ERCC6: variants seen among roughly 807,000 people sequenced by gnomAD.
ERCC6 encodes the protein DNA excision repair protein ERCC-6.
A neutral mutation model predicts 158.7 loss-of-function variants in ERCC6; 116 were observed. The observed-to-expected ratio is 0.73, with a 90% CI of 0.63 to 0.85. ERCC6 has a LOEUF of 0.85. Among genes scored for constraint, ERCC6 ranks in the 40% least tolerant of loss-of-function variants. The pLI is 0.00. For missense variants in ERCC6, 1,698 were observed against 1,799.4 expected, an observed-to-expected ratio of 0.94 and a Z score of 1.02; for synonymous variants, 678 against 659.3, an observed-to-expected ratio of 1.03 and a Z score of -0.43.
At position 49,493,427 on chromosome 10, in the gene ERCC6, A is replaced by C. The variant is rs960885977; in HGVS notation, c.1686-175T>G. On this transcript the variant is annotated intron_variant, in intron 7 of 20. Transcript: ENST00000355832. ...AAGTTACTGATGTTAAAACCCAGTAAGTAAAATCTCCATAATCTCATTCAT... is the reference window on the plus strand; with the variant it reads ...AAGTTACTGATGTTAAAACCCAGTACGTAAAATCTCCATAATCTCATTCAT... Among the ~76,000 whole-genome samples, 3 of 152,364 alleles carry C rather than the reference A, an allele frequency of 2.0e-5. No homozygotes were observed. In the East Asian group the frequency reaches 5.8e-4, roughly 29 times the overall value.
At position 49,524,745 on chromosome 10, in the gene ERCC6, T is replaced by C. The variant is rs1837270571; in HGVS notation, c.685A>G (p.Met229Val). The C allele has an allele frequency of 1.2e-6, 2 of 1,604,024 alleles. No individual in the cohort carries two copies. Among genetic ancestry groups the C allele is most frequent in the South Asian group, 2.2e-5 (2 of 91,094 alleles). ...PGPSSLGSML[M>V]PVQETAWEEL... ...TCCCAGGCAGTCTCCTGGACAGGCA[T>C]GAGCATGCTGCCAAGACTGGATGGC... Residue 229 changes from methionine (M) to valine (V), a missense_variant, in exon 5 of 21, where the codon ATG becomes GTG. By Grantham distance (21) the Met-to-Val change is conservative (BLOSUM62 1). Coordinates refer to ENST00000355832, the MANE Select transcript of ERCC6 (RefSeq NM_000124.4).
rs911459220 is a variant in ERCC6, at chr10:49,464,739, T to C, written c.3779-3183A>G. On this transcript the variant is annotated intron_variant, in intron 18 of 20. Transcript: ENST00000355832. ...AAAGAGCTCAGGCTGTGGCTTCAGA[T>C]GGTGCAAGCCCCAAGCCTTGGGAGC... Among the ~76,000 whole-genome samples the C allele has an allele frequency of 2.6e-5, 4 of 152,334 alleles. 1 individual carries two copies. The Middle Eastern group carries it at 0.014, about 518-fold the overall frequency.
At chr10:49,451,579 C>T (rs1006907899), downstream of ERCC6, among the ~76,000 whole-genome samples, 3 of 152,052 alleles carry the variant, frequency 2.0e-5, no homozygotes, top group Admixed American at 2.0e-4. Context: ...CATTGATTTT[C>T]ACATGTTAAG....
chr10:49,500,495 T>G, intron 7 of ERCC6, 43 bp downstream of exon 7: 1 of 1,600,038 alleles, frequency 6.2e-7, no homozygotes, highest in Non-Finnish European at 8.6e-7. Flanking sequence ...GATGAAATAT[T>G]AATTGAGCTC....
At chr10:49,508,637 C>T (rs545411619) in intron 5 of ERCC6, among the ~76,000 whole-genome samples, 28 of 152,288 alleles carry the variant, frequency 1.8e-4, no homozygotes, top group Non-Finnish European at 3.2e-4. Context: ...TAGAATTATA[C>T]ACATATTAAA....
At chr10:49,517,984 G>T (rs1837035140) in intron 5 of ERCC6, among the ~76,000 whole-genome samples, 1 of 151,682 alleles carries the variant, frequency 6.6e-6, no homozygotes, top group Non-Finnish European at 1.5e-5. Flanking sequence ...CTTTAATTTG[G>T]GCTTTAAAAA....
chr10:49,518,266 T>C (rs1046506822), intron 5 of ERCC6, among the ~76,000 whole-genome samples: 1 of 152,160 alleles, frequency 6.6e-6, no homozygotes, highest in African/African-American at 2.4e-5. Flanking sequence ...CCCCATCAAG[T>C]GGAGGGAGAA....
In ERCC6 at chr10:49,470,364, T is replaced by G. The variant is rs368907663; in HGVS notation, c.3596A>C (p.His1199Pro). ...CTTAGGCTTTTGCTTTGGTCTCAGA[T>G]GTTTCTCCAGGGTCTCTTCTTCTGC... ...SVAEEETLEK[H>P]LRPKQKPKNS... Residue 1199 changes from histidine to proline, a missense_variant, in exon 18 of 21, where the codon CAT becomes CCT. Physicochemically the swap from His to Pro is moderately conservative, Grantham distance 77. Transcript: ENST00000355832. The G allele has an allele frequency of 1.9e-6, 3 of 1,614,136 alleles. No individual in the cohort carries two copies. The African/African-American group carries it at 4.0e-5, about 22-fold the overall frequency.
Position 49,528,475 on chromosome 10 carries a change from G to A in ERCC6, c.594C>T (p.Ile198=), listed in dbSNP as rs1370448307. 1.2e-6 allele frequency: 2 copies of A among 1,614,028 alleles called. No individual in the cohort carries two copies. Among genetic ancestry groups the A allele is most frequent in the African/African-American group, 2.7e-5 (2 of 74,912 alleles). Residue 198 remains isoleucine (I), a synonymous_variant, in exon 4 of 21, where the codon ATC becomes ATT. Coordinates refer to ENST00000355832, the MANE Select transcript of ERCC6 (RefSeq NM_000124.4). ...ITAKQKHLQA[I]LGGAEVKIEL... Reference sequence around the variant, plus strand: ...CAATTTTCACCTCTGCTCCTCCAAGGATGGCCTGGAGATGCTTTTGTTTTG... The same window carrying A: ...CAATTTTCACCTCTGCTCCTCCAAGAATGGCCTGGAGATGCTTTTGTTTTG...
intron 19 of ERCC6, among the ~76,000 whole-genome samples, chr10:49,461,049 T>C (rs957042611): frequency 6.6e-6 from 1 of 152,224 alleles, no homozygotes; most frequent in African/African-American, 2.4e-5. Context: ...GTAAACTGGC[T>C]AATTATCTCA....
rs1254737330 is a variant in ERCC6, at chr10:49,494,408, T to TTGA, written c.1686-1157_1686-1156insTCA. ...AATCATTTTGAAGAAGTTAATAAAC[T>TTGA]AGAAAAATGTTCACCATAATTTTTA... On this transcript the variant is annotated intron_variant, in intron 7 of 20. Coordinates refer to ENST00000355832, the MANE Select transcript of ERCC6 (RefSeq NM_000124.4). Among the ~76,000 whole-genome samples the TTGA allele has an allele frequency of 1.2e-4, 18 of 152,328 alleles. 1 individual carries two copies. The highest frequency in any genetic ancestry group is 4.1e-4 in the African/African-American group (17 of 41,580).
Position 49,483,393 on chromosome 10 carries a change from G to A in ERCC6, c.1945C>T (p.His649Tyr), listed in dbSNP as rs760987098. ...DWHYVILDEG[H>Y]KIRNPNAAVT... ...GCAGCATTTGGATTTCGAATTTTGT[G>A]TCCTTCGTCCAAGATCACATAGTGC... The change falls in exon 9 of 21, where the codon CAC (histidine) becomes TAC (tyrosine). Residue 649 changes from histidine to tyrosine, a missense_variant. Physicochemically the swap from His to Tyr is moderately conservative, Grantham distance 83. Transcript: ENST00000355832. 2.8e-5 allele frequency: 46 copies of A among 1,614,142 alleles called. No individual in the cohort carries two copies. The highest frequency in any genetic ancestry group is 3.6e-5 in the Non-Finnish European group (43 of 1,180,014).
chr10:49,513,512 C>CGA, intron 5 of ERCC6, among the ~76,000 whole-genome samples: 1 of 152,000 alleles, frequency 6.6e-6, no homozygotes, highest in Non-Finnish European at 1.5e-5. Flanking sequence ...AAGAAATACC[C>CGA]GAGACTGGGT....
downstream of ERCC6, among the ~76,000 whole-genome samples, chr10:49,450,064 C>T (rs1850404530): frequency 6.6e-6 from 1 of 152,094 alleles, no homozygotes; most frequent in Admixed American, 6.5e-5. Flanking sequence ...AGAGACATGA[C>T]TTTGCCATGT....
the ERCC6 span, among the ~76,000 whole-genome samples, chr10:49,441,512 G>A: frequency 8.5e-5 from 13 of 152,190 alleles, no homozygotes; most frequent in Admixed American, 2.0e-4. Flanking sequence ...TAGTAAACTC[G>A]GGACAGCTGT....
intron 8 of ERCC6, among the ~76,000 whole-genome samples, chr10:49,484,745 A>G (rs1269886915): frequency 6.6e-6 from 1 of 152,234 alleles, no homozygotes; most frequent in Non-Finnish European, 1.5e-5. Context: ...GACTCAAAAG[A>G]GAAAAATGTT....
At chr10:49,481,351 A>G (rs189696611) in intron 10 of ERCC6, among the ~76,000 whole-genome samples, 8 of 152,300 alleles carry the variant, frequency 5.3e-5, no homozygotes, top group Non-Finnish European at 7.3e-5. Flanking sequence ...TAAAAAAAAG[A>G]ATGGTATAAC....
chr10:49,475,642 A>T (rs1490629713), intron 12 of ERCC6: 7 of 240,400 alleles, frequency 2.9e-5, no homozygotes, highest in Non-Finnish European at 5.8e-5. Flanking sequence ...GGACACTAGT[A>T]GAAAGAGAGC....
chr10:49,496,468 T>C (rs547452910), intron 7 of ERCC6, among the ~76,000 whole-genome samples: 3 of 152,194 alleles, frequency 2.0e-5, no homozygotes, highest in African/African-American at 7.2e-5. Flanking sequence ...TCATAAGTGA[T>C]TTTTGTTTTC....
Sources: allele counts gnomAD v4.1 joint callset (sites outside exome capture counted in the v4.1 genomes callset), GRCh38; gene constraint gnomAD v4.1.1; transcripts MANE v1.5; gene names NCBI Gene and HGNC (gene_info 2026-07-23, HGNC 2026-07-21).